SLC22A24: variants seen among roughly 807,000 people sequenced by gnomAD.
SLC22A24 encodes the protein steroid transmembrane transporter SLC22A24.
A neutral mutation model predicts 49.8 loss-of-function variants in SLC22A24; 53 were observed. That is an observed-to-expected ratio of 1.06 (90% CI 0.85 to 1.34). The LOEUF is 1.34. Ranked by LOEUF, SLC22A24 falls within the 40% of genes most tolerant of loss-of-function variation. The probability of loss-of-function intolerance (pLI) is 0.00; values close to 1 mark genes in which losing one functional copy is unlikely to be tolerated. For synonymous variants in SLC22A24, 302 were observed against 256.4 expected, an observed-to-expected ratio of 1.18 and a Z score of -1.70; for missense variants, 786 against 675.9, an observed-to-expected ratio of 1.16 and a Z score of -1.81.
chr11:63,122,894 A>G (rs2087262071), intron 2 of SLC22A24, among the ~76,000 whole-genome samples: 1 of 152,158 alleles, frequency 6.6e-6, no homozygotes. Context: ...AATACTTATA[A>G]TGTACAGTAA....
At chr11:63,091,542 C>G (rs1482462706) in intron 6 of SLC22A24, among the ~76,000 whole-genome samples, 1 of 152,190 alleles carries the variant, frequency 6.6e-6, no homozygotes, top group Non-Finnish European at 1.5e-5. Flanking sequence ...AGCAGCACAT[C>G]AAAAAGCTTA....
chr11:63,083,064 G>A (rs12418061), intron 7 of SLC22A24, among the ~76,000 whole-genome samples, 179 bp downstream of exon 7: 11,069 of 152,242 alleles, frequency 0.073, 616 homozygotes, highest in Admixed American at 0.18. Context: ...TTGAGTAAGA[G>A]CCCAAGTGCT....
chr11:63,115,596 T>C (rs926165547), intron 4 of SLC22A24, among the ~76,000 whole-genome samples: 1 of 152,174 alleles, frequency 6.6e-6, no homozygotes, highest in African/African-American at 2.4e-5. Flanking sequence ...GTCCCAGTGA[T>C]ATGAACAAGG....
intron 6 of SLC22A24, among the ~76,000 whole-genome samples, chr11:63,092,121 G>C (rs1047958655): frequency 3.3e-5 from 5 of 152,052 alleles, no homozygotes; most frequent in African/African-American, 1.2e-4. Context: ...GACCAGCAGA[G>C]AGCCAAATCC....
chr11:63,138,204 G>T (rs2087388761), intron 1 of SLC22A24, among the ~76,000 whole-genome samples: 1 of 152,118 alleles, frequency 6.6e-6, no homozygotes, highest in African/African-American at 2.4e-5. Flanking sequence ...TCTATGTCTT[G>T]TTTTGTGTCC....
intron 2 of SLC22A24, among the ~76,000 whole-genome samples, chr11:63,133,521 T>C (rs1161928217): frequency 6.6e-6 from 1 of 152,214 alleles, no homozygotes; most frequent in Admixed American, 6.5e-5. Context: ...TCAGTGTCCT[T>C]GTGGGTGACA....
chr11:63,102,758 A>G (rs1177743849), intron 5 of SLC22A24, among the ~76,000 whole-genome samples: 1 of 152,156 alleles, frequency 6.6e-6, no homozygotes, highest in African/African-American at 2.4e-5. Context: ...GCAGAGAGCC[A>G]AATTGCTTTC....
chr11:63,139,589 C>T (rs1565046590), intron 1 of SLC22A24, among the ~76,000 whole-genome samples: 1 of 152,100 alleles, frequency 6.6e-6, no homozygotes, highest in Non-Finnish European at 1.5e-5. Flanking sequence ...AGAAATGAGA[C>T]TCTCATGGGG....
intron 4 of SLC22A24, among the ~76,000 whole-genome samples, chr11:63,104,645 A>G (rs1014207372): frequency 2.6e-5 from 4 of 152,128 alleles, no homozygotes; most frequent in African/African-American, 9.7e-5. Flanking sequence ...GGCATGTCTT[A>G]CCTGGTGGCA....
intron 5 of SLC22A24, among the ~76,000 whole-genome samples, chr11:63,098,917 TGAAAA>T (rs2087072088): frequency 6.6e-6 from 1 of 151,570 alleles, no homozygotes; most frequent in Non-Finnish European, 1.5e-5. Context: ...AAATCAGAAA[TGAAAA>T]AGGTGACATT....
chr11:63,111,622 C>A (rs1218649066), intron 4 of SLC22A24, among the ~76,000 whole-genome samples: 1 of 150,536 alleles, frequency 6.6e-6, no homozygotes, highest in Admixed American at 6.6e-5. Context: ...TCTAGATTTT[C>A]TAGTTTATTT....
At chr11:63,098,199 T>C (rs1039035090) in intron 5 of SLC22A24, among the ~76,000 whole-genome samples, 1 of 152,044 alleles carries the variant, frequency 6.6e-6, no homozygotes, top group African/African-American at 2.4e-5. Context: ...CACATGGAAA[T>C]TAAACAATAT....
intron 6 of SLC22A24, among the ~76,000 whole-genome samples, chr11:63,085,444 A>G (rs2086981897): frequency 6.6e-6 from 1 of 152,162 alleles, no homozygotes; most frequent in South Asian, 2.1e-4. Flanking sequence ...TAAATAATCA[A>G]TAGTACATTA....
chr11:63,083,519 C>G, intron 6 of SLC22A24, 62 bp from the exon 7 acceptor site: 2 of 1,376,470 alleles, frequency 1.5e-6, no homozygotes, highest in African/African-American at 1.5e-5. Flanking sequence ...GAAACATTTT[C>G]TGAGATTTTG....
At chr11:63,100,569 T>C (rs1001554062) in intron 5 of SLC22A24, among the ~76,000 whole-genome samples, 1 of 152,122 alleles carries the variant, frequency 6.6e-6, no homozygotes, top group Non-Finnish European at 1.5e-5. Flanking sequence ...CTTAATGTTT[T>C]AGTGGAACCA....
At chr11:63,128,966 G>A (rs2087313915) in intron 2 of SLC22A24, among the ~76,000 whole-genome samples, 1 of 151,964 alleles carries the variant, frequency 6.6e-6, no homozygotes, top group Non-Finnish European at 1.5e-5. Context: ...GACCCTGTAG[G>A]GCTGGTCCCT....
intron 2 of SLC22A24, among the ~76,000 whole-genome samples, chr11:63,129,268 G>C (rs2097075): frequency 0.8 from 121,047 of 152,176 alleles, 49,233 homozygotes; most frequent in East Asian, 0.9. Context: ...TCAGATTTGT[G>C]AAAGATCAGA....
intron 6 of SLC22A24, among the ~76,000 whole-genome samples, chr11:63,091,532 AG>A (rs2087020495): frequency 6.6e-6 from 1 of 152,264 alleles, no homozygotes; most frequent in African/African-American, 2.4e-5. Context: ...AACTGAATTC[AG>A]CAGCACATCA....
intron 4 of SLC22A24, among the ~76,000 whole-genome samples, chr11:63,111,449 G>T (rs1047262329): frequency 6.6e-6 from 1 of 151,778 alleles, no homozygotes; most frequent in Non-Finnish European, 1.5e-5. Context: ...TGTACCTCTG[G>T]TAGAATTCGG....
Sources: gnomAD v4.1 joint callset for allele counts (sites outside exome capture counted in the v4.1 genomes callset) on GRCh38, gnomAD v4.1.1 for gene constraint, MANE v1.5 for transcripts, NCBI Gene and HGNC (gene_info 2026-07-23, HGNC 2026-07-21) for gene names.